Variants in ST3GAL6 observed in about 807,000 individuals in gnomAD.
ST3GAL6 encodes ST3 beta-galactoside alpha-2,3-sialyltransferase 6.
Under a neutral mutation model 40.5 loss-of-function variants are expected in ST3GAL6, and 31 were observed. That is an observed-to-expected ratio of 0.77 (90% CI 0.58 to 1.03). The LOEUF is 1.03. Ranked by LOEUF, ST3GAL6 falls within the 50% of genes least tolerant of loss-of-function variation. ST3GAL6 has a pLI of 0.00. For synonymous variants in ST3GAL6, 129 were observed against 136.9 expected (o/e 0.94, Z 0.40); for missense variants, 357 against 393.2 (o/e 0.91, Z 0.78).
rs139766230 is a variant in ST3GAL6 at position 98,736,935 on chromosome 3, G to A, written c.-12+4403G>A. Among the ~76,000 whole-genome samples the A allele has an allele frequency of 1.2e-4, 19 of 152,344 alleles. 1 individual carries two copies. The East Asian group carries it at 3.7e-3, about 29-fold the overall frequency. On this transcript the variant is annotated intron_variant, in intron 1 of 9. Transcript: ENST00000265261. ...GGAGGAGATGTAGTCAGTAAGATAGGAAGGCAGATTTTGTGGAGTTTGAAT... is the reference window on the plus strand; with the variant it reads ...GGAGGAGATGTAGTCAGTAAGATAGAAAGGCAGATTTTGTGGAGTTTGAAT...
chr3:98,770,780 CCT>C (rs1938893097), intron 2 of ST3GAL6, 97 bp from the exon 3 acceptor site: 1 of 992,926 alleles, frequency 1.0e-6, no homozygotes, highest in Admixed American at 1.8e-5. Context: ...TGCCACAGAA[CCT>C]CTCAGTGGTG....
chr3:98,788,515 A>G, intron 8 of ST3GAL6, 52 bp downstream of exon 8: 1 of 1,522,196 alleles, frequency 6.6e-7, no homozygotes, highest in Non-Finnish European at 8.8e-7. Flanking sequence ...CTGAGGTAGG[A>G]TAGAGGGTCC....
Position 98,786,895 on chromosome 3 carries a change from C to T in ST3GAL6, c.432-1141C>T, listed in dbSNP as rs867537688. Among the ~76,000 whole-genome samples the T allele has an allele frequency of 5.3e-5, 8 of 151,246 alleles. No homozygotes were observed. In the Middle Eastern group the frequency reaches 0.014, roughly 259 times the overall value. On this transcript the variant is annotated intron_variant, in intron 6 of 9. Coordinates refer to ENST00000483910, the MANE Select transcript of ST3GAL6 (RefSeq NM_001323368.2). The stretch of plus-strand genomic sequence containing the variant: ...CCTCTGATGTAGTGAGGGGAAAATA[C>T]GGACCTTTCTATCTCTATTTTTTTA...
At chr3:98,775,099 C>T (rs1280335610) in intron 5 of ST3GAL6, among the ~76,000 whole-genome samples, 1 of 152,156 alleles carries the variant, frequency 6.6e-6, no homozygotes, top group Non-Finnish European at 1.5e-5. Context: ...AGGCTAGGCA[C>T]ACAGTTTGTT....
At chr3:98,746,085 C>G (rs569227403) in intron 1 of ST3GAL6, among the ~76,000 whole-genome samples, 4 of 152,106 alleles carry the variant, frequency 2.6e-5, no homozygotes, top group African/African-American at 9.6e-5. Context: ...ATGAGATGGG[C>G]TGAGATGGAT....
At chr3:98,772,960 T>C in intron 4 of ST3GAL6, 44 bp downstream of exon 4, 1 of 1,266,694 alleles carries the variant, frequency 7.9e-7, no homozygotes, top group Non-Finnish European at 1.1e-6. Context: ...ATTTGAGTGG[T>C]GTTTGATGAG....
At chr3:98,760,273 G>T (rs568271100), upstream of ST3GAL6, among the ~76,000 whole-genome samples, 5 of 152,244 alleles carry the variant, frequency 3.3e-5, no homozygotes, top group South Asian at 1.0e-3. Context: ...GATCACATGG[G>T]GTTTGCCAAA....
rs2107399461 is a variant in ST3GAL6 at position 98,795,348 on chromosome 3, A to G, written c.*1587A>G. Reference sequence around the variant, plus strand: ...ATTTGGCTCAGAAACAGAATGCGGTACTTATAAAGCAGAATAAAGGGGAGA... The same window carrying G: ...ATTTGGCTCAGAAACAGAATGCGGTGCTTATAAAGCAGAATAAAGGGGAGA... On this transcript the variant is annotated 3_prime_UTR_variant, in exon 10 of 10. Coordinates refer to ENST00000483910, the MANE Select transcript of ST3GAL6 (RefSeq NM_001323368.2). The G allele has an allele frequency of 6.6e-6, 1 of 152,338 alleles. No homozygotes were observed. Among genetic ancestry groups the G allele is most frequent in the South Asian group, 2.1e-4 (1 of 4,824 alleles). 9.4% of individuals were successfully genotyped at this position (152,338 alleles called of 1,614,324 possible). A position where few individuals can be genotyped will look rare whatever the true frequency, so the allele number is the denominator to read the frequency against.
chr3:98,743,460 A>G (rs1057414650), intron 1 of ST3GAL6, among the ~76,000 whole-genome samples: 1 of 152,072 alleles, frequency 6.6e-6, no homozygotes, highest in African/African-American at 2.4e-5. Flanking sequence ...CTGGCTGTGT[A>G]ACTCCTCCCA....
At chr3:98,759,545 T>A (rs546778772), upstream of ST3GAL6, among the ~76,000 whole-genome samples, 20 of 152,218 alleles carry the variant, frequency 1.3e-4, no homozygotes, top group Non-Finnish European at 2.4e-4. Context: ...GGGGAACCCG[T>A]GTAAAATGTT....
intron 1 of ST3GAL6, among the ~76,000 whole-genome samples, chr3:98,754,812 A>T (rs1247695470): frequency 1.3e-5 from 2 of 152,264 alleles, no homozygotes; most frequent in African/African-American, 4.8e-5. Flanking sequence ...GTGAAGGCTC[A>T]TATGATCAAT....
At chr3:98,791,762 A>G (rs1941224267) in intron 8 of ST3GAL6, 79 bp from the exon 9 acceptor site, 5 of 1,300,920 alleles carry the variant, frequency 3.8e-6, no homozygotes, top group South Asian at 2.9e-5. Context: ...CCTGTTTTAT[A>G]TGATTCAGCC....
intron 1 of ST3GAL6, among the ~76,000 whole-genome samples, chr3:98,747,462 A>T (rs76341653): frequency 0.011 from 1,715 of 152,344 alleles, 16 homozygotes; most frequent in Non-Finnish European, 0.016. Flanking sequence ...ATTCTATTTA[A>T]AAATGAAACG....
chr3:98,774,351 A>G (rs1348438355), intron 5 of ST3GAL6, among the ~76,000 whole-genome samples: 1 of 152,108 alleles, frequency 6.6e-6, no homozygotes, highest in Non-Finnish European at 1.5e-5. Flanking sequence ...CATCCTCCAA[A>G]CTACTGATGA....
At chr3:98,781,707 C>T (rs1041539168) in intron 5 of ST3GAL6, among the ~76,000 whole-genome samples, 4 of 152,100 alleles carry the variant, frequency 2.6e-5, no homozygotes, top group South Asian at 2.1e-4. Flanking sequence ...GGGCTCAGGG[C>T]GAGGCAGCCC....
At chr3:98,769,891 G>A (rs1938782852) in intron 2 of ST3GAL6, among the ~76,000 whole-genome samples, 2 of 151,962 alleles carry the variant, frequency 1.3e-5, no homozygotes, top group Admixed American at 1.3e-4. Context: ...GAGATTTTTT[G>A]GTCTAGTGTG....
intron 1 of ST3GAL6, among the ~76,000 whole-genome samples, chr3:98,735,860 C>T (rs1288563473): frequency 1.3e-5 from 2 of 152,210 alleles, no homozygotes; most frequent in African/African-American, 4.8e-5. Context: ...ATGTCAGAAA[C>T]ACAATTCCCT....
chr3:98,767,711 ATATAT>A (rs1317952901), intron 1 of ST3GAL6, among the ~76,000 whole-genome samples: 1 of 152,236 alleles, frequency 6.6e-6, no homozygotes, highest in Non-Finnish European at 1.5e-5. Flanking sequence ...GGTTTTTAAA[ATATAT>A]TCTATAAAGG....
chr3:98,792,019 T>C, intron 9 of ST3GAL6, 26 bp downstream of exon 9: 1 of 1,561,264 alleles, frequency 6.4e-7, no homozygotes, highest in Non-Finnish European at 8.7e-7. Context: ...TTAGGTAATA[T>C]ACATATGCTT....
Sources: allele counts gnomAD v4.1 joint callset (sites outside exome capture counted in the v4.1 genomes callset), GRCh38; gene constraint gnomAD v4.1.1; transcripts MANE v1.5; gene names NCBI Gene and HGNC (gene_info 2026-07-23, HGNC 2026-07-21).